Variants in CHRM3 observed in about 807,000 individuals in gnomAD.
CHRM3 encodes cholinergic receptor muscarinic 3, also known as muscarinic acetylcholine receptor M3.
In CHRM3, 11 loss-of-function variants were observed where a neutral mutation model predicts 41.8. That is an observed-to-expected ratio of 0.26 (90% CI 0.17 to 0.44). The LOEUF is 0.44. CHRM3 is among the 20% of genes least tolerant of loss of function. The pLI is 1.00. For synonymous variants in CHRM3, 297 were observed against 301.4 expected (o/e 0.99, Z 0.15); for missense variants, 571 against 745.4 (o/e 0.77, Z 2.72).
At chr1:239,763,462 GGA>G (rs1666961996) in intron 5 of CHRM3, among the ~76,000 whole-genome samples, 1 of 152,130 alleles carries the variant, frequency 6.6e-6, no homozygotes, top group Non-Finnish European at 1.5e-5. Flanking sequence ...CCCAGAGAAA[GGA>G]ACTTTCTTTC....
intron 6 of CHRM3, among the ~76,000 whole-genome samples, chr1:239,903,176 G>A (rs945064426): frequency 6.6e-6 from 1 of 151,978 alleles, no homozygotes; most frequent in Admixed American, 6.6e-5. Flanking sequence ...ATTCATTTGG[G>A]GGGGCTCTTC....
intron 4 of CHRM3, among the ~76,000 whole-genome samples, chr1:239,639,261 C>T (rs1670829629): frequency 6.6e-6 from 1 of 152,036 alleles, no homozygotes; most frequent in African/African-American, 2.4e-5. Context: ...TATTTTGGTT[C>T]CATATGAACT....
chr1:239,587,238 C>T (rs1055657533), intron 3 of CHRM3, among the ~76,000 whole-genome samples: 6 of 152,208 alleles, frequency 3.9e-5, no homozygotes, highest in East Asian at 3.9e-4. Context: ...TGCAGATCCA[C>T]GTACTTGCCA....
At chr1:239,621,930 C>T (rs1572972944) in intron 3 of CHRM3, among the ~76,000 whole-genome samples, 1 of 151,964 alleles carries the variant, frequency 6.6e-6, no homozygotes, top group Non-Finnish European at 1.5e-5. Flanking sequence ...CAAGGCCTGG[C>T]TTTAAAGTTT....
chr1:239,881,240 G>GCA lies in CHRM3; in HGVS notation c.-19-26192_-19-26191insAC, dbSNP rs1572579003. ...GGAGCTTGCAGTGAGCCGAGATCCC[G>GCA]CCCCTGCACTCCAGCCTGGGCGACA... On this transcript the variant is annotated intron_variant, in intron 6 of 6. Transcript: ENST00000676153. Among the ~76,000 whole-genome samples the GCA allele has an allele frequency of 6.2e-5, 7 of 112,972 alleles. No homozygotes were observed. In the East Asian group the frequency reaches 1.2e-3, roughly 20 times the overall value. 74.1% of individuals were successfully genotyped at this position (112,972 alleles called of 152,430 possible).
intron 6 of CHRM3, among the ~76,000 whole-genome samples, chr1:239,899,384 AAC>A (rs2102999157): frequency 6.7e-6 from 1 of 148,890 alleles, no homozygotes; most frequent in Non-Finnish European, 1.5e-5. Context: ...TACATATATA[AAC>A]ACATATACAT....
chr1:239,396,270 T>C (rs922912392), intron 1 of CHRM3, among the ~76,000 whole-genome samples: 1 of 152,160 alleles, frequency 6.6e-6, no homozygotes, highest in African/African-American at 2.4e-5. Flanking sequence ...TTTGTTGGTC[T>C]TTGACTGCTT....
chr1:239,703,482 G>A (rs1660870325), intron 5 of CHRM3: 2 of 152,136 alleles, frequency 1.3e-5, no homozygotes. Context: ...CTGTCACCTA[G>A]CAATCTGTTA....
At chr1:239,630,489 A>T (rs969750644) in intron 3 of CHRM3, among the ~76,000 whole-genome samples, 1 of 152,194 alleles carries the variant, frequency 6.6e-6, no homozygotes, top group Non-Finnish European at 1.5e-5. Flanking sequence ...TTTTACAGGG[A>T]TATTAGCAGT....
chr1:239,848,319 C>G (rs1373415524), intron 6 of CHRM3, among the ~76,000 whole-genome samples: 3 of 152,108 alleles, frequency 2.0e-5, no homozygotes, highest in Non-Finnish European at 2.9e-5. Context: ...AAATTATCTC[C>G]TATTTGGCTC....
chr1:239,402,966 T>C (rs1309061101), intron 1 of CHRM3, among the ~76,000 whole-genome samples: 1 of 152,208 alleles, frequency 6.6e-6, no homozygotes, highest in Admixed American at 6.5e-5. Context: ...TTTTCTGGAA[T>C]ATTTTTGATG....
At chr1:239,590,853 GACTC>G (rs2148636048) in intron 3 of CHRM3, among the ~76,000 whole-genome samples, 1 of 152,122 alleles carries the variant, frequency 6.6e-6, no homozygotes, top group East Asian at 1.9e-4. Context: ...AAAGACAAGA[GACTC>G]ACTCATTTTC....
chr1:239,642,890 G>T (rs1338344829), intron 4 of CHRM3, among the ~76,000 whole-genome samples: 1 of 152,100 alleles, frequency 6.6e-6, no homozygotes, highest in African/African-American at 2.4e-5. Context: ...CCCCATCTTT[G>T]TGGTTTTATC....
intron 1 of CHRM3, among the ~76,000 whole-genome samples, chr1:239,456,058 A>C (rs1664909899): frequency 6.6e-6 from 1 of 152,146 alleles, no homozygotes; most frequent in African/African-American, 2.4e-5. Context: ...GTGTAAGAAA[A>C]CAGGAACTAG....
chr1:239,472,169 C>CT (rs1470642049), intron 1 of CHRM3, among the ~76,000 whole-genome samples: 4 of 152,192 alleles, frequency 2.6e-5, no homozygotes. Flanking sequence ...TTACATATCT[C>CT]TATTATTCTT....
intron 5 of CHRM3, among the ~76,000 whole-genome samples, chr1:239,783,822 G>A (rs1192845268): frequency 6.6e-6 from 1 of 152,102 alleles, no homozygotes; most frequent in African/African-American, 2.4e-5. Flanking sequence ...GTGTGAGGAC[G>A]GTACTTGATA....
At chr1:239,554,452 A>ATGTGTG (rs766457306) in intron 3 of CHRM3, among the ~76,000 whole-genome samples, 2 of 150,778 alleles carry the variant, frequency 1.3e-5, no homozygotes, top group African/African-American at 2.4e-5. Flanking sequence ...AAGGCATAGA[A>ATGTGTG]TGTGTGTGTG....
chr1:239,618,491 A>G (rs1341006943), intron 3 of CHRM3, among the ~76,000 whole-genome samples: 1 of 151,478 alleles, frequency 6.6e-6, no homozygotes, highest in Non-Finnish European at 1.5e-5. Context: ...TAAAACAAAA[A>G]CACAACTTGG....
chr1:239,480,543 ATTTTTTTTTTTTTTTT>A (rs745979239), intron 1 of CHRM3, among the ~76,000 whole-genome samples: 1 of 110,718 alleles, frequency 9.0e-6, no homozygotes, highest in East Asian at 2.5e-4. Context: ...CGATAGCCCA[ATTTTTTTTTTTTTTTT>A]TTTTTTTTTT....
Sources: allele counts gnomAD v4.1 joint callset (sites outside exome capture counted in the v4.1 genomes callset), GRCh38; gene constraint gnomAD v4.1.1; transcripts MANE v1.5; gene names NCBI Gene and HGNC (gene_info 2026-07-23, HGNC 2026-07-21).